The following CPQ variants were observed in gnomAD, a reference collection of about 807,000 sequenced individuals.
The protein encoded by CPQ is carboxypeptidase Q.
Under a neutral mutation model 45.7 loss-of-function variants are expected in CPQ, and 37 were observed. The observed-to-expected ratio is 0.81, with a 90% CI of 0.62 to 1.07. The LOEUF (loss-of-function observed/expected upper bound fraction) is 1.07. CPQ is among the 50% of genes least tolerant of loss of function. The pLI, the probability that CPQ is intolerant of heterozygous loss-of-function variation, is 0.00. For synonymous variants in CPQ, 186 were observed against 205.8 expected (o/e 0.90, Z 0.82); for missense variants, 537 against 572.9 (o/e 0.94, Z 0.64).
At chr8:96,806,346 G>A (rs1274963944) in intron 2 of CPQ, among the ~76,000 whole-genome samples, 2 of 152,108 alleles carry the variant, frequency 1.3e-5, no homozygotes, top group Admixed American at 6.6e-5. Context: ...AAGTACTAAT[G>A]AGGATATGAG....
intron 1 of CPQ, among the ~76,000 whole-genome samples, chr8:96,667,780 G>A (rs1447897436): frequency 6.6e-6 from 1 of 152,026 alleles, no homozygotes; most frequent in Non-Finnish European, 1.5e-5. Context: ...CTAAATATTA[G>A]CTATCCTTCA....
At chr8:96,696,531 GAAAT>G (rs1563471840) in intron 1 of CPQ, among the ~76,000 whole-genome samples, 2 of 151,498 alleles carry the variant, frequency 1.3e-5, no homozygotes, top group South Asian at 2.1e-4. Context: ...GATCAGAGCA[GAAAT>G]AAATAAAATT....
At chr8:96,747,786 G>A (rs1302788239) in intron 1 of CPQ, among the ~76,000 whole-genome samples, 1 of 152,174 alleles carries the variant, frequency 6.6e-6, no homozygotes, top group Non-Finnish European at 1.5e-5. Flanking sequence ...GTTAAAAGTT[G>A]AGATGCTGGA....
chr8:96,976,247 C>CAAAAAAAAAAAAAAA (rs55864086), intron 5 of CPQ, among the ~76,000 whole-genome samples: 1 of 60,830 alleles, frequency 1.6e-5, no homozygotes, highest in Non-Finnish European at 2.9e-5. Context: ...CAATAGCTGA[C>CAAAAAAAAAAAAAAA]AAAAAAAAAA....
At chr8:96,863,617 A>G (rs1314372780) in intron 3 of CPQ, among the ~76,000 whole-genome samples, 3 of 152,066 alleles carry the variant, frequency 2.0e-5, no homozygotes, top group African/African-American at 7.2e-5. Context: ...TCTCATAGTC[A>G]AGAATGTACT....
chr8:96,714,370 T>G (rs1473120817), intron 1 of CPQ, among the ~76,000 whole-genome samples: 1 of 152,202 alleles, frequency 6.6e-6, no homozygotes, highest in East Asian at 1.9e-4. Context: ...TCTGATTGGG[T>G]TAATTCAAAA....
chr8:97,091,540 A>G (rs892822317), intron 7 of CPQ, among the ~76,000 whole-genome samples: 3 of 152,214 alleles, frequency 2.0e-5, no homozygotes, highest in South Asian at 2.1e-4. Context: ...CCTTTGTAGC[A>G]TAAAATCAGT....
At chr8:96,987,075 T>C (rs1419113177) in intron 5 of CPQ, among the ~76,000 whole-genome samples, 1 of 152,074 alleles carries the variant, frequency 6.6e-6, no homozygotes, top group Non-Finnish European at 1.5e-5. Flanking sequence ...AATCCCTCCA[T>C]AGGGCTGCTG....
At chr8:96,838,384 C>G (rs999001850) in intron 3 of CPQ, among the ~76,000 whole-genome samples, 1 of 152,102 alleles carries the variant, frequency 6.6e-6, no homozygotes, top group Non-Finnish European at 1.5e-5. Context: ...TCTGCAGAGT[C>G]TTCTGCATTC....
At chr8:96,885,143 T>A (rs1812283689) in intron 4 of CPQ, among the ~76,000 whole-genome samples, 1 of 152,090 alleles carries the variant, frequency 6.6e-6, no homozygotes, top group Admixed American at 6.5e-5. Flanking sequence ...GCACCAGCAA[T>A]TTGCAAGGAA....
intron 2 of CPQ, among the ~76,000 whole-genome samples, chr8:96,792,929 C>A (rs907614130): frequency 6.6e-6 from 1 of 151,964 alleles, no homozygotes; most frequent in Non-Finnish European, 1.5e-5. Context: ...CTTCACAGGG[C>A]GGAAGGAGAG....
intron 3 of CPQ, among the ~76,000 whole-genome samples, chr8:96,862,385 T>C (rs1811937896): frequency 6.6e-6 from 1 of 151,810 alleles, no homozygotes; most frequent in Non-Finnish European, 1.5e-5. Context: ...GTAAACCTTC[T>C]GGTGCTCAAT....
intron 3 of CPQ, among the ~76,000 whole-genome samples, chr8:96,871,531 GTTTTTTTTTTTTT>G (rs529360931): frequency 9.3e-6 from 1 of 107,024 alleles, no homozygotes; most frequent in Non-Finnish European, 1.9e-5. Context: ...TTGCTTCCAG[GTTTTTTTTTTTTT>G]TTTTTTTTTT....
intron 1 of CPQ, among the ~76,000 whole-genome samples, chr8:96,664,971 A>G (rs781343141): frequency 1.3e-5 from 2 of 152,238 alleles, no homozygotes; most frequent in African/African-American, 4.8e-5. Context: ...TATGACAGCA[A>G]TGCTTCCCTT....
intron 1 of CPQ, among the ~76,000 whole-genome samples, chr8:96,689,678 GA>G (rs11410233): frequency 1.3e-5 from 2 of 152,098 alleles, no homozygotes; most frequent in Non-Finnish European, 2.9e-5. Context: ...CTCTAGATGG[GA>G]AAAATTATGT....
chr8:97,127,426 G>T (rs1811865598), intron 7 of CPQ, among the ~76,000 whole-genome samples: 1 of 152,186 alleles, frequency 6.6e-6, no homozygotes, highest in African/African-American at 2.4e-5. Context: ...AAGGCTAGGT[G>T]TGGTGGCTCC....
intron 2 of CPQ, among the ~76,000 whole-genome samples, chr8:96,828,017 T>C (rs551994602): frequency 9.9e-5 from 15 of 152,244 alleles, no homozygotes; most frequent in African/African-American, 3.1e-4. Flanking sequence ...TATATAAAAC[T>C]TTCCCTCATA....
intron 7 of CPQ, among the ~76,000 whole-genome samples, chr8:97,125,565 G>C (rs1385636553): frequency 6.6e-6 from 1 of 152,044 alleles, no homozygotes; most frequent in Non-Finnish European, 1.5e-5. Flanking sequence ...AGAAATTTAA[G>C]GTTGGTTTAA....
chr8:96,848,477 A>C (rs906642110), intron 3 of CPQ, among the ~76,000 whole-genome samples: 9 of 152,346 alleles, frequency 5.9e-5, no homozygotes, highest in South Asian at 2.1e-4. Flanking sequence ...AAGCTGCTGT[A>C]CTTTGTCTGC....
Sources: gnomAD v4.1 joint callset for allele counts (sites outside exome capture counted in the v4.1 genomes callset) on GRCh38, gnomAD v4.1.1 for gene constraint, MANE v1.5 for transcripts, NCBI Gene and HGNC (gene_info 2026-07-23, HGNC 2026-07-21) for gene names.